Variants in ACTR3C observed in about 807,000 individuals in gnomAD.
The protein encoded by ACTR3C is actin-related protein 3C.
Under a neutral mutation model 26.3 loss-of-function variants are expected in ACTR3C, and 18 were observed. That is an observed-to-expected ratio of 0.68 (90% CI 0.47 to 1.01). The LOEUF is 1.01. Among genes scored for constraint, ACTR3C ranks in the 50% least tolerant of loss-of-function variants. The pLI, the probability that ACTR3C is intolerant of heterozygous loss-of-function variation, is 0.00. For missense variants in ACTR3C, 184 were observed against 250.7 expected (o/e 0.73, Z 1.80); for synonymous variants, 55 against 94.5 (o/e 0.58, Z 2.42).
At chr7:150,083,559 C>T in the ACTR3C span, among the ~76,000 whole-genome samples, 3 of 152,066 alleles carry the variant, frequency 2.0e-5, no homozygotes, top group Admixed American at 2.0e-4. Flanking sequence ...AGAGTGAGAC[C>T]CTGTCTCAAA....
chr7:150,137,027 C>T, the ACTR3C span, among the ~76,000 whole-genome samples: 8 of 152,152 alleles, frequency 5.3e-5, no homozygotes, highest in African/African-American at 1.7e-4. Context: ...AATAGGGTTC[C>T]CACTCCTATG....
chr7:150,127,624 T>C, the ACTR3C span, among the ~76,000 whole-genome samples: 3 of 152,194 alleles, frequency 2.0e-5, no homozygotes, highest in East Asian at 3.9e-4. Flanking sequence ...TTAAATAAAA[T>C]ACCAACAACT....
chr7:150,256,784 CAT>C (rs1410694809), intron 6 of ACTR3C, among the ~76,000 whole-genome samples: 2 of 152,048 alleles, frequency 1.3e-5, no homozygotes, highest in Non-Finnish European at 2.9e-5. Flanking sequence ...AAAATAAACA[CAT>C]GTGATGTGGG....
intron 6 of ACTR3C, among the ~76,000 whole-genome samples, chr7:150,261,347 G>A (rs1402832153): frequency 1.3e-5 from 2 of 151,864 alleles, no homozygotes; most frequent in Non-Finnish European, 2.9e-5. Context: ...TCTACTTGAA[G>A]CATTAAATTT....
the ACTR3C span, among the ~76,000 whole-genome samples, chr7:150,023,290 CATAGATAGATAG>C: frequency 1.4e-3 from 112 of 77,458 alleles, 17 homozygotes; most frequent in South Asian, 3.1e-3. Context: ...TATGGAGATA[CATAGATAGATAG>C]ATAGATAGAT....
chr7:150,321,717 G>T (rs1255200355), intron 1 of ACTR3C, among the ~76,000 whole-genome samples: 1 of 152,138 alleles, frequency 6.6e-6, no homozygotes, highest in African/African-American at 2.4e-5. Flanking sequence ...TCCAGCCTGG[G>T]CAAGAGAGTG....
At chr7:150,105,208 G>A in the ACTR3C span, among the ~76,000 whole-genome samples, 7 of 150,734 alleles carry the variant, frequency 4.6e-5, no homozygotes, top group African/African-American at 9.8e-5. Context: ...TAAGCCTCTC[G>A]AGTAGCTGAG....
At chr7:149,937,168 A>G in the ACTR3C span, among the ~76,000 whole-genome samples, 1 of 114,258 alleles carries the variant, frequency 8.8e-6, no homozygotes, top group African/African-American at 3.2e-5. Context: ...AATAACCTGT[A>G]GAGAAGGACC....
the ACTR3C span, among the ~76,000 whole-genome samples, chr7:149,989,372 TG>T: frequency 6.6e-6 from 1 of 152,210 alleles, no homozygotes; most frequent in Non-Finnish European, 1.5e-5. Flanking sequence ...ATAGTCACCA[TG>T]TTGTGCAATT....
chr7:150,316,763 C>A (rs183916231), intron 1 of ACTR3C, among the ~76,000 whole-genome samples: 2 of 152,142 alleles, frequency 1.3e-5, no homozygotes, highest in Non-Finnish European at 2.9e-5. Context: ...GGATTACAGG[C>A]ATGAGCCACC....
intron 5 of ACTR3C, among the ~76,000 whole-genome samples, chr7:150,285,699 C>A (rs544756026): frequency 5.9e-5 from 9 of 152,250 alleles, no homozygotes; most frequent in African/African-American, 1.9e-4. Context: ...CAGTTTGTAA[C>A]CCACCTACTG....
the ACTR3C span, among the ~76,000 whole-genome samples, chr7:150,174,773 T>G: frequency 1.4e-5 from 2 of 148,076 alleles, no homozygotes; most frequent in Admixed American, 1.3e-4. Context: ...CAGGCCCAAA[T>G]GGCTTCAATG....
the ACTR3C span, among the ~76,000 whole-genome samples, chr7:149,949,383 G>A: frequency 8.5e-6 from 1 of 117,878 alleles, no homozygotes; most frequent in African/African-American, 4.3e-5. Flanking sequence ...GAAAAGAAAG[G>A]AAGGAAGGAG....
At chr7:150,143,149 T>C in the ACTR3C span, among the ~76,000 whole-genome samples, 1 of 152,104 alleles carries the variant, frequency 6.6e-6, no homozygotes, top group African/African-American at 2.4e-5. Context: ...CTATTTCTGA[T>C]GTGATAGGGT....
At chr7:150,200,196 C>T in the ACTR3C span, among the ~76,000 whole-genome samples, 2,606 of 151,800 alleles carry the variant, frequency 0.017, 81 homozygotes, top group African/African-American at 0.06. Context: ...ATTAATTTAC[C>T]TCCTTTTCAC....
the ACTR3C span, among the ~76,000 whole-genome samples, chr7:150,213,228 G>T: frequency 3.3e-5 from 5 of 152,160 alleles, no homozygotes; most frequent in Non-Finnish European, 5.9e-5. Context: ...ATATACTCAT[G>T]TCCATAGATG....
the ACTR3C span, among the ~76,000 whole-genome samples, chr7:149,996,216 A>G: frequency 6.6e-6 from 1 of 152,140 alleles, no homozygotes; most frequent in Non-Finnish European, 1.5e-5. Context: ...GGCTCCATGG[A>G]AAGGGACGGA....
chr7:150,232,000 T>A, the ACTR3C span, among the ~76,000 whole-genome samples: 1 of 152,224 alleles, frequency 6.6e-6, no homozygotes, highest in African/African-American at 2.4e-5. Flanking sequence ...ATTTGTATAT[T>A]TCTCCCTTTA....
the ACTR3C span, among the ~76,000 whole-genome samples, chr7:149,953,330 G>A: frequency 6.7e-6 from 1 of 149,544 alleles, no homozygotes; most frequent in Non-Finnish European, 1.5e-5. Flanking sequence ...TTCTGTTTGG[G>A]TGATTAGAGT....
Sources: gnomAD v4.1 joint callset for allele counts (sites outside exome capture counted in the v4.1 genomes callset) on GRCh38, gnomAD v4.1.1 for gene constraint, MANE v1.5 for transcripts, NCBI Gene and HGNC (gene_info 2026-07-23, HGNC 2026-07-21) for gene names.